The following OR6C65 variants were observed in gnomAD, a reference collection of about 807,000 sequenced individuals.
OR6C65 encodes olfactory receptor family 6 subfamily C member 65, also known as olfactory receptor 6C65.
For missense variants in OR6C65, 379 were observed against 366.2 expected, an observed-to-expected ratio of 1.03 and a Z score of -0.29; for synonymous variants, 126 against 127.5, an observed-to-expected ratio of 0.99 and a Z score of 0.08.
rs61744496 is a variant in OR6C65 at position 55,401,447 on chromosome 12, T to C, written c.919T>C (p.Leu307=). The C allele has an allele frequency of 3.4e-3, 5,429 of 1,578,246 alleles. 149 individuals carry two copies. The African/African-American group carries it at 0.065, about 19-fold the overall frequency. Residue 307 remains leucine (L), a synonymous_variant, in exon 1 of 1, where the codon TTA becomes CTA. Coordinates refer to ENST00000379665, the MANE Select transcript of OR6C65 (RefSeq NM_001005518.1). Reference sequence around the variant, plus strand: ...CCTTAGGGAATTCACCAAAAAAATATTATCATTGAACAAGCAATAATGATA... The same window carrying C: ...CCTTAGGGAATTCACCAAAAAAATACTATCATTGAACAAGCAATAATGATA... The part of the protein sequence containing the change: ...QALREFTKKI[L]SLNKQ
Position 55,400,991 on chromosome 12 carries a change from T to C in OR6C65, c.463T>C (p.Phe155Leu), listed in dbSNP as rs1320680590. The change falls in exon 1 of 1, where the codon TTT (phenylalanine) becomes CTT (leucine). Residue 155 changes from phenylalanine (F) to leucine (L), a missense_variant. By Grantham distance (22) the Phe-to-Leu change is conservative (BLOSUM62 0). Transcript: ENST00000379665. ...CTGGCTGGCTGGTTTTCTCATTATT[T>C]TTCCCCCCGTGATTATGGGCCTCCA... Reference protein sequence around the residue: ...SSWLAGFLIIFPPVIMGLQLD... With the variant: ...SSWLAGFLIILPPVIMGLQLD... 1 of 1,614,188 alleles carries C rather than the reference T, an allele frequency of 6.2e-7. No homozygotes were observed.
chr12:55,400,618 G>A lies in OR6C65; in HGVS notation c.90G>A (p.Leu30=), dbSNP rs1279077577. The change falls in exon 1 of 1, where the codon TTG becomes TTA. Residue 30 remains leucine, a synonymous_variant. Coordinates refer to ENST00000379665, the MANE Select transcript of OR6C65 (RefSeq NM_001005518.1). ...ELQVVIFFFM[L]ITYLLSVSGN... is the part of the protein sequence containing the mutation. ...AAGTTGTGATATTCTTCTTTATGTT[G>A]ATCACATACTTATTGAGTGTAAGTG... 12 of 1,592,892 alleles carry A rather than the reference G, an allele frequency of 7.5e-6. No homozygotes were observed. Among genetic ancestry groups the A allele is most frequent in the Admixed American group, 1.7e-5 (1 of 58,504 alleles).
At position 55,401,161 on chromosome 12, in the gene OR6C65, G is replaced by C. The variant is rs374581085; in HGVS notation, c.633G>C (p.Leu211Phe). The change falls in exon 1 of 1, where the codon TTG (leucine) becomes TTC (phenylalanine). Residue 211 changes from leucine to phenylalanine, a missense_variant. Physicochemically the swap from Leu to Phe is conservative, Grantham distance 22. Coordinates refer to ENST00000379665, the MANE Select transcript of OR6C65 (RefSeq NM_001005518.1). ...AVFTLMVTLA[L>F]VVLSYTLILK... ...TCACACTCATGGTAACTTTGGCCTT[G>C]GTGGTTCTCTCCTACACACTCATCC... The C allele has an allele frequency of 6.2e-7, 1 of 1,614,076 alleles. No individual in the cohort carries two copies. The highest frequency in any genetic ancestry group is 2.2e-5 in the East Asian group (1 of 44,870).
chr12:55,400,794 C>A lies in OR6C65; in HGVS notation c.266C>A (p.Thr89Asn). 6.2e-7 allele frequency: 1 copy of A among 1,613,052 alleles called. No individual in the cohort carries two copies. The highest frequency in any genetic ancestry group is 8.5e-7 in the Non-Finnish European group (1 of 1,179,572). The change falls in exon 1 of 1, where the codon ACC (threonine) becomes AAC (asparagine). Residue 89 changes from threonine to asparagine, a missense_variant. Thr to Asn is a moderately conservative substitution (Grantham distance 65). Coordinates refer to ENST00000379665, the MANE Select transcript of OR6C65 (RefSeq NM_001005518.1). ...FLINIATGDT[T>N]ISYNASMAQV... ...ATCAACATTGCTACAGGAGACACAA[C>A]CATTTCCTATAATGCTTCCATGGCC...
In OR6C65 at chr12:55,400,919, A is replaced by G. The variant is rs761797947; in HGVS notation, c.391A>G (p.Thr131Ala). 14 of 1,613,876 alleles carry G rather than the reference A, an allele frequency of 8.7e-6. No individual in the cohort carries two copies. In the African/African-American group the frequency reaches 1.6e-4, roughly 18 times the overall value. Residue 131 changes from threonine to alanine, a missense_variant, in exon 1 of 1, where the codon ACA (threonine) becomes GCA (alanine). Thr to Ala is a moderately conservative substitution (Grantham distance 58, BLOSUM62 0). Coordinates refer to ENST00000379665, the MANE Select transcript of OR6C65 (RefSeq NM_001005518.1). ...YVAICKPLHY[T>A]TIMSNKVCNW... ...GGCTATCTGCAAACCTCTACATTAT[A>G]CAACCATCATGAGTAACAAAGTCTG...
In OR6C65 at chr12:55,401,151, C is replaced by A. The variant is rs1315173608; in HGVS notation, c.623C>A (p.Thr208Asn). The change falls in exon 1 of 1, where the codon ACT becomes AAT. Residue 208 changes from threonine to asparagine, a missense_variant. By Grantham distance (65) the Thr-to-Asn change is moderately conservative. Coordinates refer to ENST00000379665, the MANE Select transcript of OR6C65 (RefSeq NM_001005518.1). Reference protein sequence around the residue: ...FLLAVFTLMVTLALVVLSYTL... With the variant: ...FLLAVFTLMVNLALVVLSYTL... ...CTAGCAGTATTCACACTCATGGTAA[C>A]TTTGGCCTTGGTGGTTCTCTCCTAC... 5.0e-6 allele frequency: 8 copies of A among 1,614,118 alleles called. 2 individuals are homozygous for A. The South Asian group carries it at 8.8e-5, about 18-fold the overall frequency.
chr12:55,400,781 A>G lies in OR6C65; in HGVS notation c.253A>G (p.Thr85Ala), dbSNP rs148836075. 11 of 1,612,890 alleles carry G rather than the reference A, an allele frequency of 6.8e-6. No homozygotes were observed. The highest frequency in any genetic ancestry group is 9.3e-6 in the Non-Finnish European group (11 of 1,179,356). The change falls in exon 1 of 1, where the codon ACA becomes GCA. Residue 85 changes from threonine to alanine, a missense_variant. Coordinates refer to ENST00000379665, the MANE Select transcript of OR6C65 (RefSeq NM_001005518.1). ...FIPRFLINIA[T>A]GDTTISYNAS... is the part of the protein sequence containing the mutation. The stretch of plus-strand genomic sequence containing the variant: ...TCCTAGATTTCTGATCAACATTGCT[A>G]CAGGAGACACAACCATTTCCTATAA...
chr12:55,400,859 T>C lies in OR6C65; in HGVS notation c.331T>C (p.Phe111Leu), dbSNP rs1244828293. ...FLILLGSTEFFLLAVMSYDRY... is the reference protein window; with the variant it reads ...FLILLGSTEFLLLAVMSYDRY... The stretch of plus-strand genomic sequence containing the variant: ...AATTCTTTTGGGATCAACAGAATTT[T>C]TTCTTCTGGCTGTCATGTCTTATGA... Residue 111 changes from phenylalanine (F) to leucine (L), a missense_variant, in exon 1 of 1, where the codon TTT becomes CTT. Physicochemically the swap from Phe to Leu is conservative, Grantham distance 22. Transcript: ENST00000379665. The C allele has an allele frequency of 6.2e-7, 1 of 1,612,208 alleles. No individual in the cohort carries two copies. The highest frequency in any genetic ancestry group is 2.2e-5 in the East Asian group (1 of 44,878).
Position 55,401,433 on chromosome 12 carries a change from T to A in OR6C65, c.905T>A (p.Phe302Tyr). Residue 302 changes from phenylalanine (F) to tyrosine (Y), a missense_variant, in exon 1 of 1, where the codon TTC becomes TAC. Coordinates refer to ENST00000379665, the MANE Select transcript of OR6C65 (RefSeq NM_001005518.1). ...CAGGTGAAACAGGCCCTTAGGGAATTCACCAAAAAAATATTATCATTGAAC... is the reference window on the plus strand; with the variant it reads ...CAGGTGAAACAGGCCCTTAGGGAATACACCAAAAAAATATTATCATTGAAC... Reference protein sequence around the residue: ...NQQVKQALREFTKKILSLNKQ With the variant: ...NQQVKQALREYTKKILSLNKQ 1.9e-6 allele frequency: 3 copies of A among 1,582,480 alleles called. No individual in the cohort carries two copies. The highest frequency in any genetic ancestry group is 3.7e-5 in the Admixed American group (2 of 53,532).
Position 55,401,289 on chromosome 12 carries a change from T to C in OR6C65, c.761T>C (p.Ile254Thr). The change falls in exon 1 of 1, where the codon ATT (isoleucine) becomes ACT (threonine). Residue 254 changes from isoleucine (I) to threonine (T), a missense_variant. Coordinates refer to ENST00000379665, the MANE Select transcript of OR6C65 (RefSeq NM_001005518.1). ...IVVSVSYGSCIFMCVKTSAKE... is the reference protein window; with the variant it reads ...IVVSVSYGSCTFMCVKTSAKE... ...GTTTCTGTTTCTTATGGGAGTTGCATTTTTATGTGTGTAAAAACATCTGCA... is the reference window on the plus strand; with the variant it reads ...GTTTCTGTTTCTTATGGGAGTTGCACTTTTATGTGTGTAAAAACATCTGCA... 1.2e-6 allele frequency: 2 copies of C among 1,614,152 alleles called. No individual in the cohort carries two copies. Among genetic ancestry groups the C allele is most frequent in the African/African-American group, 1.3e-5 (1 of 75,042 alleles).
rs774416422 is a variant in OR6C65 at position 55,401,444 on chromosome 12, A to G, written c.916A>G (p.Ile306Val). ...GGCCCTTAGGGAATTCACCAAAAAA[A>G]TATTATCATTGAACAAGCAATAATG... ...KQALREFTKK[I>V]LSLNKQ Residue 306 changes from isoleucine (I) to valine (V), a missense_variant, in exon 1 of 1, where the codon ATA becomes GTA. Transcript: ENST00000379665. 13 of 1,579,960 alleles carry G rather than the reference A, an allele frequency of 8.2e-6. No individual in the cohort carries two copies. Among genetic ancestry groups the G allele is most frequent in the Middle Eastern group, 3.4e-4 (2 of 5,910 alleles).
At position 55,401,091 on chromosome 12, in the gene OR6C65, CAG is replaced by C; in HGVS notation, c.565_566del (p.Asp189HisfsTer32). 15 of 1,614,138 alleles carry C rather than the reference CAG, an allele frequency of 9.3e-6. No individual in the cohort carries two copies. The highest frequency in any genetic ancestry group is 1.0e-5 in the Non-Finnish European group (12 of 1,180,024). The stretch of plus-strand genomic sequence containing the variant: ...TCCCCTATGCTGCTGATTGCTTGCA[CAG>C]ACACACAGTTTCTAGAGCTTATGGC... On this transcript the variant is annotated frameshift_variant, in exon 1 of 1. Coordinates refer to ENST00000379665, the MANE Select transcript of OR6C65 (RefSeq NM_001005518.1). LOFTEE classifies it low-confidence loss of function (END_TRUNC).
chr12:55,400,809 C>T lies in OR6C65; in HGVS notation c.281C>T (p.Ala94Val). 1.2e-6 allele frequency: 2 copies of T among 1,612,434 alleles called. No homozygotes were observed. The highest frequency in any genetic ancestry group is 1.1e-5 in the South Asian group (1 of 90,696). The change falls in exon 1 of 1, where the codon GCT becomes GTT. Residue 94 changes from alanine to valine, a missense_variant. Physicochemically the swap from Ala to Val is moderately conservative, Grantham distance 64. Coordinates refer to ENST00000379665, the MANE Select transcript of OR6C65 (RefSeq NM_001005518.1). ...GGAGACACAACCATTTCCTATAATG[C>T]TTCCATGGCCCAAGTATTTTTTTTA... ...ATGDTTISYN[A>V]SMAQVFFLIL...
Position 55,400,638 on chromosome 12 carries a change from T to G in OR6C65, c.110T>G (p.Val37Gly), listed in dbSNP as rs1324389882. ...FFMLITYLLSVSGNMIIIMLT... is the reference protein window; with the variant it reads ...FFMLITYLLSGSGNMIIIMLT... ...ATGTTGATCACATACTTATTGAGTGTAAGTGGAAACATGATCATCATTATG... is the reference window on the plus strand; with the variant it reads ...ATGTTGATCACATACTTATTGAGTGGAAGTGGAAACATGATCATCATTATG... The change falls in exon 1 of 1, where the codon GTA (valine) becomes GGA (glycine). Residue 37 changes from valine (V) to glycine (G), a missense_variant. Coordinates refer to ENST00000379665, the MANE Select transcript of OR6C65 (RefSeq NM_001005518.1). The G allele has an allele frequency of 6.3e-7, 1 of 1,599,042 alleles. No individual in the cohort carries two copies. Among genetic ancestry groups the G allele is most frequent in the East Asian group, 2.2e-5 (1 of 44,736 alleles).
At position 55,401,373 on chromosome 12, in the gene OR6C65, T is replaced by G; in HGVS notation, c.845T>G (p.Met282Arg). 8.1e-6 allele frequency: 13 copies of G among 1,613,778 alleles called. No homozygotes were observed. Among genetic ancestry groups the G allele is most frequent in the Non-Finnish European group, 1.1e-5 (13 of 1,179,932 alleles). The change falls in exon 1 of 1, where the codon ATG (methionine) becomes AGG (arginine). Residue 282 changes from methionine to arginine, a missense_variant. Physicochemically the swap from Met to Arg is moderately conservative, Grantham distance 91. Coordinates refer to ENST00000379665, the MANE Select transcript of OR6C65 (RefSeq NM_001005518.1). Reference sequence around the variant, plus strand: ...GTGCTTAATACCTCTGTTGCTCCTATGTTGAATCCCTTTATTTATACCTTA... The same window carrying G: ...GTGCTTAATACCTCTGTTGCTCCTAGGTTGAATCCCTTTATTTATACCTTA... Reference protein sequence around the residue: ...VAVLNTSVAPMLNPFIYTLRN... With the variant: ...VAVLNTSVAPRLNPFIYTLRN...
Position 55,400,993 on chromosome 12 carries a change from T to C in OR6C65, c.465T>C (p.Phe155=), listed in dbSNP as rs371380701. The part of the protein sequence containing the change: ...SSWLAGFLII[F]PPVIMGLQLD... ...GGCTGGCTGGTTTTCTCATTATTTT[T>C]CCCCCCGTGATTATGGGCCTCCAAC... Residue 155 remains phenylalanine (F), a synonymous_variant, in exon 1 of 1, where the codon TTT becomes TTC. Transcript: ENST00000379665. The C allele has an allele frequency of 5.8e-5, 93 of 1,613,986 alleles. No individual in the cohort carries two copies. Among genetic ancestry groups the C allele is most frequent in the Middle Eastern group, 1.6e-4 (1 of 6,084 alleles).
chr12:55,400,583 C>G lies in OR6C65; in HGVS notation c.55C>G (p.Pro19Ala). 6.4e-7 allele frequency: 1 copy of G among 1,568,306 alleles called. No individual in the cohort carries two copies. The highest frequency in any genetic ancestry group is 8.6e-7 in the Non-Finnish European group (1 of 1,157,518). ...EFILLGFTDN[P>A]ELQVVIFFFM... ...CATTCTTCTGGGATTTACAGATAAC[C>G]CAGAGTTACAAGTTGTGATATTCTT... The change falls in exon 1 of 1, where the codon CCA becomes GCA. Residue 19 changes from proline to alanine, a missense_variant. Physicochemically the swap from Pro to Ala is conservative, Grantham distance 27. Transcript: ENST00000379665.
Position 55,400,871 on chromosome 12 carries a change from G to C in OR6C65, c.343G>C (p.Val115Leu), listed in dbSNP as rs187708281. 1 of 1,612,560 alleles carries C rather than the reference G, an allele frequency of 6.2e-7. No homozygotes were observed. Residue 115 changes from valine (V) to leucine (L), a missense_variant, in exon 1 of 1, where the codon GTC becomes CTC. Coordinates refer to ENST00000379665, the MANE Select transcript of OR6C65 (RefSeq NM_001005518.1). ...ATCAACAGAATTTTTTCTTCTGGCT[G>C]TCATGTCTTATGATCGCTATGTGGC... ...LGSTEFFLLA[V>L]MSYDRYVAIC...
Position 55,400,712 on chromosome 12 carries a change from A to C in OR6C65, c.184A>C (p.Arg62=). 1.2e-6 allele frequency: 2 copies of C among 1,608,760 alleles called. No homozygotes were observed. Among genetic ancestry groups the C allele is most frequent in the South Asian group, 2.2e-5 (2 of 90,152 alleles). The change falls in exon 1 of 1, where the codon AGG becomes CGG. Residue 62 remains arginine, a synonymous_variant. Transcript: ENST00000379665. ...GAAAACTCCTATGTATTTCTTCCTC[A>C]GGAATTTCTCTTTCTTAGAAATTTC... ...HLKTPMYFFL[R]NFSFLEISFT...
Sources: gnomAD v4.1 joint callset for allele counts on GRCh38, gnomAD v4.1.1 for gene constraint, MANE v1.5 for transcripts, NCBI Gene and HGNC (gene_info 2026-07-23, HGNC 2026-07-21) for gene names.